The following CEP57L1 variants were observed in gnomAD, a reference collection of about 807,000 sequenced individuals.
CEP57L1 encodes centrosomal protein CEP57L1.
In CEP57L1, 37 loss-of-function variants were observed where a neutral mutation model predicts 61.0. The ratio of observed to expected loss-of-function variants is 0.61; its 90% CI spans 0.47 to 0.80. The LOEUF (loss-of-function observed/expected upper bound fraction) is 0.80, where lower values mean the gene tolerates loss of function less well. Among genes scored for constraint, CEP57L1 ranks in the 30% least tolerant of loss-of-function variants. The pLI is 0.00. For missense variants in CEP57L1, 422 were observed against 524.7 expected (o/e 0.80, Z 1.91); for synonymous variants, 137 against 162.3 (o/e 0.84, Z 1.19).
At chr6:109,143,798 C>T (rs1771673832) in intron 1 of CEP57L1, among the ~76,000 whole-genome samples, 1 of 152,110 alleles carries the variant, frequency 6.6e-6, no homozygotes, top group Admixed American at 6.6e-5. Flanking sequence ...TTCTTTATGT[C>T]ATTGGAGAAA....
In CEP57L1 at chr6:109,111,476, A is replaced by G. The variant is rs533162401; in HGVS notation, c.-4+15901A>G. Among the ~76,000 whole-genome samples, 36 of 152,322 alleles carry G rather than the reference A, an allele frequency of 2.4e-4. 1 individual carries two copies. The South Asian group carries it at 7.5e-3, about 32-fold the overall frequency. On this transcript the variant is annotated intron_variant, in intron 1 of 10. Transcript: ENST00000517392. ...AATCATGTCATCTGCAAACAGAGAC[A>G]ATTTAACTTCCTCTTTTCCTACTTG...
At chr6:109,154,698 T>C (rs553609790) in intron 5 of CEP57L1, among the ~76,000 whole-genome samples, 109 of 152,188 alleles carry the variant, frequency 7.2e-4, no homozygotes, top group Non-Finnish European at 1.3e-3. Context: ...AATGAAAATA[T>C]TCCAAAATCT....
intron 1 of CEP57L1, among the ~76,000 whole-genome samples, chr6:109,134,601 T>C (rs1774601455): frequency 6.6e-6 from 1 of 152,194 alleles, no homozygotes; most frequent in African/African-American, 2.4e-5. Context: ...GGTATTCATT[T>C]AGGAAAAGAG....
intron 1 of CEP57L1, among the ~76,000 whole-genome samples, chr6:109,141,131 C>T (rs189098769): frequency 2.0e-5 from 3 of 151,874 alleles, no homozygotes; most frequent in Non-Finnish European, 2.9e-5. Flanking sequence ...CGCCCAGCTG[C>T]GTTTTCTTTA....
At position 109,160,625 on chromosome 6, in the gene CEP57L1, G is replaced by A. The variant is rs1222265424; in HGVS notation, c.1070G>A (p.Cys357Tyr). ...QMKETESHSV[C>Y]DDIECELECL... ...AAGGAAACTGAAAGTCATTCAGTCT[G>A]TGACGACATAGAATGTGAACTAGAG... is the stretch of plus-strand genomic sequence containing the variant. The change falls in exon 10 of 11, where the codon TGT becomes TAT. Residue 357 changes from cysteine (C) to tyrosine (Y), a missense_variant. Physicochemically the swap from Cys to Tyr is radical, Grantham distance 194. Transcript: ENST00000517392. The A allele has an allele frequency of 1.9e-6, 3 of 1,606,914 alleles. No individual in the cohort carries two copies. The highest frequency in any genetic ancestry group is 1.7e-5 in the Admixed American group (1 of 58,370).
intron 1 of CEP57L1, among the ~76,000 whole-genome samples, chr6:109,123,459 C>T (rs1320432745): frequency 6.6e-6 from 1 of 152,108 alleles, no homozygotes; most frequent in Non-Finnish European, 1.5e-5. Flanking sequence ...CATAGTGTTG[C>T]CTTCATGATT....
chr6:109,116,464 C>T (rs911963897), intron 1 of CEP57L1, among the ~76,000 whole-genome samples: 3 of 152,128 alleles, frequency 2.0e-5, no homozygotes, highest in East Asian at 1.9e-4. Flanking sequence ...GAGTGAGCCA[C>T]GGCGCCCAGC....
At chr6:109,134,958 G>T (rs1213985467) in intron 1 of CEP57L1, among the ~76,000 whole-genome samples, 6 of 152,196 alleles carry the variant, frequency 3.9e-5, no homozygotes, top group Non-Finnish European at 5.9e-5. Context: ...TGAGTAGGAA[G>T]AATCAATATC....
Position 109,170,220 on chromosome 6 carries a change from A to G in CEP57L1, c.*7250A>G, listed in dbSNP as rs757856577. ...AGTTTATTCACCACTACAAATTACTAAAGTTAACCTAAACAATTAAAGAAA... is the reference window on the plus strand; with the variant it reads ...AGTTTATTCACCACTACAAATTACTGAAGTTAACCTAAACAATTAAAGAAA... On this transcript the variant is annotated 3_prime_UTR_variant, in exon 11 of 11. Coordinates refer to ENST00000517392, the MANE Select transcript of CEP57L1 (RefSeq NM_001271852.3). Among the ~76,000 whole-genome samples the G allele has an allele frequency of 4.6e-5, 7 of 152,208 alleles. No individual in the cohort carries two copies. The highest frequency in any genetic ancestry group is 1.0e-4 in the Non-Finnish European group (7 of 68,020).
At chr6:109,125,204 G>C (rs1773406685) in intron 1 of CEP57L1, among the ~76,000 whole-genome samples, 1 of 152,058 alleles carries the variant, frequency 6.6e-6, no homozygotes, top group South Asian at 2.1e-4. Flanking sequence ...TCATCCTAAA[G>C]GTTAAATTGT....
Position 109,159,282 on chromosome 6 carries a change from G to A in CEP57L1, c.836G>A (p.Arg279His), listed in dbSNP as rs760914731. 1.2e-6 allele frequency: 2 copies of A among 1,614,090 alleles called. No individual in the cohort carries two copies. Among genetic ancestry groups the A allele is most frequent in the Non-Finnish European group, 1.7e-6 (2 of 1,180,008 alleles). The change falls in exon 9 of 11, where the codon CGT becomes CAT. Residue 279 changes from arginine to histidine, a missense_variant. By Grantham distance (29) the Arg-to-His change is conservative. Transcript: ENST00000517392. ...PFVAEKMRQH[R>H]DPHILQKPFN... ...AACTTTTTGCAGATGAGGCAACATC[G>A]TGACCCACATATCCTTCAGAAACCT...
Position 109,171,405 on chromosome 6 carries a change from T to G in CEP57L1, c.*8435T>G, listed in dbSNP as rs11153160. 0.044 allele frequency among the ~76,000 whole-genome samples: 5,241 copies of G among 119,090 alleles called. 293 individuals carry two copies. Among genetic ancestry groups the G allele is most frequent in the African/African-American group, 0.18 (4,847 of 27,204 alleles). 78.1% of individuals were successfully genotyped at this position (119,090 alleles called of 152,430 possible). On this transcript the variant is annotated 3_prime_UTR_variant, in exon 11 of 11. Coordinates refer to ENST00000517392, the MANE Select transcript of CEP57L1 (RefSeq NM_001271852.3). ...AGGCATGCGTCACCACACCCGGCTG[T>G]TTTTTTTTTTCGCATTTTTAATAGA...
chr6:109,144,702 G>A (rs1326818661), intron 1 of CEP57L1, among the ~76,000 whole-genome samples: 1 of 151,978 alleles, frequency 6.6e-6, no homozygotes, highest in African/African-American at 2.4e-5. Flanking sequence ...GCAGAGGTGT[G>A]TCTTATTCAA....
At chr6:109,154,075 G>C (rs1310918883) in intron 5 of CEP57L1, 126 bp downstream of exon 5, 3 of 621,322 alleles carry the variant, frequency 4.8e-6, no homozygotes, top group Admixed American at 5.9e-5. Flanking sequence ...TTATAATCCA[G>C]ATATGAATTC....
intron 1 of CEP57L1, among the ~76,000 whole-genome samples, chr6:109,114,194 T>C (rs1369248128): frequency 6.6e-6 from 1 of 152,314 alleles, no homozygotes; most frequent in Admixed American, 6.5e-5. Context: ...AGGGTTTCTT[T>C]TTCTCCACAT....
At chr6:109,103,055 G>GT (rs888417756) in intron 1 of CEP57L1, among the ~76,000 whole-genome samples, 27 of 151,960 alleles carry the variant, frequency 1.8e-4, no homozygotes, top group Non-Finnish European at 3.8e-4. Context: ...TTTTGTTTTT[G>GT]TTTTTTTGCT....
At chr6:109,114,717 G>C (rs994373012) in intron 1 of CEP57L1, among the ~76,000 whole-genome samples, 1 of 152,244 alleles carries the variant, frequency 6.6e-6, no homozygotes, top group East Asian at 1.9e-4. Flanking sequence ...GTTGTAGGGC[G>C]TGGACAGGGA....
At chr6:109,121,830 A>G (rs1773009876) in intron 1 of CEP57L1, among the ~76,000 whole-genome samples, 1 of 152,212 alleles carries the variant, frequency 6.6e-6, no homozygotes, top group African/African-American at 2.4e-5. Flanking sequence ...ACAATTTTAT[A>G]ATTTTTAATA....
Position 109,168,649 on chromosome 6 carries a change from G to A in CEP57L1, c.*5679G>A, listed in dbSNP as rs1050729397. ...CTCGCTCCTTCACCCAGGCTGGAGT[G>A]CAATGGTACAATCTCGTCTCACTGC... On this transcript the variant is annotated 3_prime_UTR_variant, in exon 11 of 11. Transcript: ENST00000517392. 6.9e-6 allele frequency among the ~76,000 whole-genome samples: 1 copy of A among 144,320 alleles called. No homozygotes were observed. Among genetic ancestry groups the A allele is most frequent in the African/African-American group, 2.6e-5 (1 of 38,612 alleles). 94.7% of individuals were successfully genotyped at this position (144,320 alleles called of 152,430 possible).
Sources: allele counts gnomAD v4.1 joint callset (sites outside exome capture counted in the v4.1 genomes callset), GRCh38; gene constraint gnomAD v4.1.1; transcripts MANE v1.5; gene names NCBI Gene and HGNC (gene_info 2026-07-23, HGNC 2026-07-21).